Variants in PTK2 observed in about 807,000 individuals in gnomAD.
PTK2 encodes focal adhesion kinase 1.
A neutral mutation model predicts 150.1 loss-of-function variants in PTK2; 45 were observed. The observed-to-expected ratio is 0.30, with a 90% CI of 0.24 to 0.38. The LOEUF (loss-of-function observed/expected upper bound fraction) is 0.38, where lower values mean the gene tolerates loss of function less well. Ranked by LOEUF, PTK2 falls within the 10% of genes least tolerant of loss-of-function variation. The probability of loss-of-function intolerance (pLI) is 1.00; values close to 1 mark genes in which losing one functional copy is unlikely to be tolerated. For synonymous variants in PTK2, 432 were observed against 449.2 expected, an observed-to-expected ratio of 0.96 and a Z score of 0.48; for missense variants, 919 against 1,307.3, an observed-to-expected ratio of 0.70 and a Z score of 4.58.
chr8:140,946,045 C>A (rs545860426), intron 1 of PTK2, among the ~76,000 whole-genome samples: 98 of 152,250 alleles, frequency 6.4e-4, no homozygotes, highest in South Asian at 6.2e-3. Flanking sequence ...GTCTAGAGAG[C>A]AACCTCTCTA....
chr8:140,944,379 T>C (rs1378119145), intron 1 of PTK2, among the ~76,000 whole-genome samples: 1 of 152,220 alleles, frequency 6.6e-6, no homozygotes, highest in Non-Finnish European at 1.5e-5. Context: ...TTCTTCTCTC[T>C]GTTAAATGTA....
At chr8:140,723,684 G>A (rs2100044247) in intron 22 of PTK2, among the ~76,000 whole-genome samples, 1 of 152,180 alleles carries the variant, frequency 6.6e-6, no homozygotes, top group South Asian at 2.1e-4. Context: ...GAGCCCTCAT[G>A]TTTTTTCCCA....
chr8:140,730,574 G>A (rs2100048588), intron 22 of PTK2, among the ~76,000 whole-genome samples: 1 of 152,080 alleles, frequency 6.6e-6, no homozygotes, highest in Non-Finnish European at 1.5e-5. Flanking sequence ...TTTGGTTGCT[G>A]GTGACAGACT....
At chr8:140,974,818 C>T (rs1266211664) in intron 1 of PTK2, among the ~76,000 whole-genome samples, 1 of 152,018 alleles carries the variant, frequency 6.6e-6, no homozygotes, top group African/African-American at 2.4e-5. Flanking sequence ...GGTTCATGGA[C>T]CTAAGAGACA....
chr8:140,961,208 C>A (rs1248357902), intron 1 of PTK2, among the ~76,000 whole-genome samples: 2 of 152,168 alleles, frequency 1.3e-5, no homozygotes, highest in Admixed American at 6.5e-5. Flanking sequence ...CCACACTTTG[C>A]TAAGCTTATG....
At chr8:140,748,285 G>C (rs1415865122) in intron 17 of PTK2, among the ~76,000 whole-genome samples, 1 of 152,104 alleles carries the variant, frequency 6.6e-6, no homozygotes, top group African/African-American at 2.4e-5. Flanking sequence ...CCTGAGGTCA[G>C]GAGTTTGAGA....
chr8:140,872,272 C>CA (rs1225473028), intron 4 of PTK2, among the ~76,000 whole-genome samples: 1 of 151,986 alleles, frequency 6.6e-6, no homozygotes, highest in Admixed American at 6.6e-5. Flanking sequence ...CTTGAACTCA[C>CA]AGTCTCAAGT....
chr8:140,891,483 C>T (rs2100154230), intron 2 of PTK2, among the ~76,000 whole-genome samples: 2 of 152,104 alleles, frequency 1.3e-5, no homozygotes, highest in South Asian at 2.1e-4. Context: ...CAAAGATATT[C>T]TGAGGCAACC....
At chr8:140,759,951 C>T (rs189766196) in intron 16 of PTK2, among the ~76,000 whole-genome samples, 70 of 152,040 alleles carry the variant, frequency 4.6e-4, no homozygotes, top group South Asian at 2.1e-4. Context: ...GGGCCGGGCA[C>T]GATGGCTCAC....
At chr8:140,803,770 G>C in intron 10 of PTK2, 120 bp from the exon 11 acceptor site, 3 of 901,866 alleles carry the variant, frequency 3.3e-6, no homozygotes, top group Non-Finnish European at 5.1e-6. Context: ...CTGGAGGTCT[G>C]GGGAAAAAAA....
At chr8:140,870,148 T>A (rs1385402151) in intron 4 of PTK2, among the ~76,000 whole-genome samples, 2 of 152,136 alleles carry the variant, frequency 1.3e-5, no homozygotes, top group Non-Finnish European at 2.9e-5. Flanking sequence ...CATCTCAACA[T>A]AGTTAAAAAA....
chr8:140,782,926 T>C lies in PTK2; in HGVS notation c.1177+6548A>G, dbSNP rs148229943. 3.0e-4 allele frequency among the ~76,000 whole-genome samples: 45 copies of C among 152,280 alleles called. No individual in the cohort carries two copies. In the East Asian group the frequency reaches 7.5e-3, roughly 25 times the overall value. ...AGTATTATTTCCTTCCACACATTTATATTATCAAGCTTTAGAAATGAGTCA... is the reference window on the plus strand; with the variant it reads ...AGTATTATTTCCTTCCACACATTTACATTATCAAGCTTTAGAAATGAGTCA... On this transcript the variant is annotated intron_variant, in intron 14 of 31. Coordinates refer to ENST00000522684, the Ensembl canonical transcript of PTK2.
chr8:140,709,435 G>A (rs1271168502), intron 23 of PTK2, among the ~76,000 whole-genome samples: 8 of 152,218 alleles, frequency 5.3e-5, no homozygotes, highest in Non-Finnish European at 1.2e-4. Flanking sequence ...CAGCCATGGA[G>A]AGTGCAAATG....
intron 2 of PTK2, among the ~76,000 whole-genome samples, chr8:140,918,625 C>T (rs1349993918): frequency 6.6e-6 from 1 of 152,114 alleles, no homozygotes; most frequent in Non-Finnish European, 1.5e-5. Context: ...TTGGTTCAAA[C>T]ACCCCAGAAG....
At chr8:140,696,350 G>A (rs1368958095) in intron 26 of PTK2, among the ~76,000 whole-genome samples, 1 of 152,216 alleles carries the variant, frequency 6.6e-6, no homozygotes, top group Non-Finnish European at 1.5e-5. Flanking sequence ...GAAAGAGAGT[G>A]AGAGTGAGCA....
At chr8:140,981,354 TAC>T (rs1004972780) in intron 1 of PTK2, among the ~76,000 whole-genome samples, 17 of 152,126 alleles carry the variant, frequency 1.1e-4, no homozygotes, top group African/African-American at 4.1e-4. Context: ...AGGCTTCACT[TAC>T]AGAGTGGCAC....
intron 4 of PTK2, among the ~76,000 whole-genome samples, chr8:140,870,358 T>C (rs756987200): frequency 3.3e-5 from 5 of 152,096 alleles, no homozygotes; most frequent in African/African-American, 9.7e-5. Context: ...TTGTGAGACA[T>C]AGACACAACT....
At chr8:140,915,969 C>T (rs2100165099) in intron 2 of PTK2, among the ~76,000 whole-genome samples, 1 of 151,836 alleles carries the variant, frequency 6.6e-6, no homozygotes, top group Non-Finnish European at 1.5e-5. Context: ...AAATTACATA[C>T]AAAGAGGAAA....
At chr8:140,997,420 C>T (rs2100198204) in intron 1 of PTK2, among the ~76,000 whole-genome samples, 1 of 151,986 alleles carries the variant, frequency 6.6e-6, no homozygotes, top group African/African-American at 2.4e-5. Flanking sequence ...GGATAAAATG[C>T]TTTCAAATAG....
Sources: gnomAD v4.1 joint callset for allele counts (sites outside exome capture counted in the v4.1 genomes callset) on GRCh38, gnomAD v4.1.1 for gene constraint, MANE v1.5 for transcripts, NCBI Gene and HGNC (gene_info 2026-07-23, HGNC 2026-07-21) for gene names.